The following ADGRL2 variants were observed in gnomAD, a reference collection of about 807,000 sequenced individuals.
ADGRL2 encodes calcium-independent alpha-latrotoxin receptor 2.
In ADGRL2, 44 loss-of-function variants were observed where a neutral mutation model predicts 157.4. The ratio of observed to expected loss-of-function variants is 0.28; its 90% CI spans 0.22 to 0.36. The LOEUF (loss-of-function observed/expected upper bound fraction) is 0.36. ADGRL2 is among the 10% of genes least tolerant of loss of function. The pLI is 1.00. For missense variants in ADGRL2, 1,510 were observed against 1,768.9 expected, an observed-to-expected ratio of 0.85 and a Z score of 2.63; for synonymous variants, 585 against 624.7, an observed-to-expected ratio of 0.94 and a Z score of 0.95.
At chr1:81,380,287 T>C (rs2076321762) in intron 1 of ADGRL2, among the ~76,000 whole-genome samples, 1 of 152,248 alleles carries the variant, frequency 6.6e-6, no homozygotes, top group Non-Finnish European at 1.5e-5. Context: ...TTTTAATGTG[T>C]GTGGGCTTTT....
chr1:81,539,499 C>T (rs1462596961), intron 2 of ADGRL2, among the ~76,000 whole-genome samples: 4 of 152,172 alleles, frequency 2.6e-5, no homozygotes, highest in Non-Finnish European at 5.9e-5. Flanking sequence ...TCACTGCCCC[C>T]GATCGCCTGA....
intron 2 of ADGRL2, among the ~76,000 whole-genome samples, chr1:81,516,517 CAT>C (rs1435120683): frequency 1.8e-4 from 27 of 152,186 alleles, no homozygotes; most frequent in African/African-American, 6.0e-4. Context: ...AAGAGCCCCA[CAT>C]GTTTTCCATG....
intron 2 of ADGRL2, among the ~76,000 whole-genome samples, chr1:81,467,269 T>C (rs2078076892): frequency 6.6e-6 from 1 of 152,146 alleles, no homozygotes; most frequent in South Asian, 2.1e-4. Context: ...ATCTTCCTTG[T>C]GGATGTTTAG....
At chr1:81,362,529 A>T (rs1009623347) in intron 1 of ADGRL2, among the ~76,000 whole-genome samples, 11 of 151,988 alleles carry the variant, frequency 7.2e-5, no homozygotes, top group African/African-American at 2.7e-4. Flanking sequence ...GGCCCTCCAA[A>T]TTTATATGTA....
intron 2 of ADGRL2, among the ~76,000 whole-genome samples, chr1:81,524,681 A>G (rs564744793): frequency 6.6e-6 from 1 of 152,170 alleles, no homozygotes; most frequent in Admixed American, 6.5e-5. Context: ...TAACAACAAC[A>G]ACCAAAAAAA....
intron 3 of ADGRL2, among the ~76,000 whole-genome samples, chr1:81,639,726 A>G (rs544158546): frequency 2.0e-5 from 3 of 152,286 alleles, no homozygotes; most frequent in Admixed American, 2.0e-4. Flanking sequence ...ACAATCCTTA[A>G]CATATATGCA....
At chr1:81,318,185 C>T (rs191106695) in intron 1 of ADGRL2, among the ~76,000 whole-genome samples, 1,667 of 152,106 alleles carry the variant, frequency 0.011, 32 homozygotes, top group African/African-American at 0.038. Flanking sequence ...TGAATATGGT[C>T]AATAACAGTA....
In ADGRL2 at chr1:81,719,709, G is replaced by A. The variant is rs527896551; in HGVS notation, c.-143+19901G>A. The stretch of plus-strand genomic sequence containing the variant: ...CCAAACTGAATGCACTTTTCCAGGT[G>A]CATCATATATCATCCCTTAGGTCTG... On this transcript the variant is annotated intron_variant, in intron 1 of 20. Transcript: ENST00000359929. Among the ~76,000 whole-genome samples the A allele has an allele frequency of 4.6e-5, 7 of 152,040 alleles. No homozygotes were observed. In the East Asian group the frequency reaches 9.7e-4, roughly 21 times the overall value.
chr1:81,350,657 C>G (rs1374674241), intron 1 of ADGRL2, among the ~76,000 whole-genome samples: 1 of 152,116 alleles, frequency 6.6e-6, no homozygotes, highest in Non-Finnish European at 1.5e-5. Flanking sequence ...TAATGTCTTT[C>G]AGTAGCAAAA....
chr1:81,819,529 A>G (rs2149817513), intron 1 of ADGRL2, among the ~76,000 whole-genome samples: 1 of 152,236 alleles, frequency 6.6e-6, no homozygotes, highest in Non-Finnish European at 1.5e-5. Context: ...AATGTTTTCG[A>G]GTGTATACCT....
intron 2 of ADGRL2, among the ~76,000 whole-genome samples, chr1:81,787,176 C>A (rs1270483116): frequency 2.0e-5 from 3 of 152,160 alleles, no homozygotes; most frequent in Non-Finnish European, 4.4e-5. Flanking sequence ...TCCAATTAAA[C>A]CTCTTTTCCT....
chr1:81,529,541 G>T (rs554355593), intron 2 of ADGRL2, among the ~76,000 whole-genome samples: 1 of 152,296 alleles, frequency 6.6e-6, no homozygotes, highest in Admixed American at 6.5e-5. Flanking sequence ...ACTATGCCAG[G>T]AGCTATGGGA....
At chr1:81,902,037 C>T (rs998153347) in intron 2 of ADGRL2, among the ~76,000 whole-genome samples, 2 of 152,204 alleles carry the variant, frequency 1.3e-5, no homozygotes, top group East Asian at 3.9e-4. Context: ...GAAATCAGTA[C>T]ATGAGTGATG....
chr1:81,907,590 T>C (rs1425301732), intron 3 of ADGRL2, among the ~76,000 whole-genome samples: 1 of 152,194 alleles, frequency 6.6e-6, no homozygotes, highest in African/African-American at 2.4e-5. Flanking sequence ...TCTTTGGCAT[T>C]AGTTGCTACT....
intron 3 of ADGRL2, among the ~76,000 whole-genome samples, chr1:81,671,674 G>T (rs190786148): frequency 6.6e-6 from 1 of 151,994 alleles, no homozygotes; most frequent in East Asian, 1.9e-4. Flanking sequence ...TACCACACCC[G>T]GCTAATTTTT....
At chr1:81,600,451 G>C (rs1016316901) in intron 3 of ADGRL2, among the ~76,000 whole-genome samples, 15 of 152,148 alleles carry the variant, frequency 9.9e-5, no homozygotes, top group African/African-American at 3.6e-4. Flanking sequence ...TAGACCCCAG[G>C]CCTCTTAGAC....
At chr1:81,327,275 A>T (rs1660969311) in intron 1 of ADGRL2, among the ~76,000 whole-genome samples, 1 of 152,176 alleles carries the variant, frequency 6.6e-6, no homozygotes, top group African/African-American at 2.4e-5. Flanking sequence ...TGTGCTATTG[A>T]GAGAAATCAT....
intron 2 of ADGRL2, among the ~76,000 whole-genome samples, chr1:81,556,501 C>T (rs2080283213): frequency 2.0e-5 from 3 of 150,506 alleles, no homozygotes; most frequent in Admixed American, 2.0e-4. Flanking sequence ...TCACATCAAA[C>T]AATGGAAAAC....
At chr1:81,431,794 C>G (rs1176935670) in intron 1 of ADGRL2, among the ~76,000 whole-genome samples, 5 of 152,156 alleles carry the variant, frequency 3.3e-5, no homozygotes, top group Admixed American at 1.3e-4. Context: ...AGGCATACTT[C>G]CCACAGAATC....
Sources: gnomAD v4.1 joint callset for allele counts (sites outside exome capture counted in the v4.1 genomes callset) on GRCh38, gnomAD v4.1.1 for gene constraint, MANE v1.5 for transcripts, NCBI Gene and HGNC (gene_info 2026-07-23, HGNC 2026-07-21) for gene names.